PROM1: variants seen among roughly 807,000 people sequenced by gnomAD.
PROM1 encodes the protein prominin-1.
In PROM1, 105 loss-of-function variants were observed where a neutral mutation model predicts 116.9. The ratio of observed to expected loss-of-function variants is 0.90; its 90% confidence interval spans 0.77 to 1.06. The LOEUF (loss-of-function observed/expected upper bound fraction) is 1.06. Ranked by LOEUF, PROM1 falls within the 50% of genes least tolerant of loss-of-function variation. The pLI is 0.00. For missense variants in PROM1, 1,122 were observed against 1,045.2 expected, an observed-to-expected ratio of 1.07 and a Z score of -1.01; for synonymous variants, 393 against 387.0, an observed-to-expected ratio of 1.02 and a Z score of -0.18.
At chr4:16,050,495 C>T (rs574208681) in intron 2 of PROM1, among the ~76,000 whole-genome samples, 1 of 152,210 alleles carries the variant, frequency 6.6e-6, no homozygotes, top group African/African-American at 2.4e-5. Context: ...CTGGGACTAC[C>T]GTCATGTGCC....
intron 5 of PROM1, among the ~76,000 whole-genome samples, chr4:16,027,746 G>T (rs1307372021): frequency 6.6e-6 from 1 of 152,132 alleles, no homozygotes. Flanking sequence ...ATGCAGTCTT[G>T]TCTACACCGG....
rs555278289 is a variant in PROM1 at position 16,040,664 on chromosome 4, A to T, written c.221-1663T>A. ...GTGAATAACTGCTACGAACATGCTCATGTGCAAAATAAGACGTCCCTACTC... is the reference window on the plus strand; with the variant it reads ...GTGAATAACTGCTACGAACATGCTCTTGTGCAAAATAAGACGTCCCTACTC... On this transcript the variant is annotated intron_variant, in intron 2 of 27. Transcript: ENST00000447510. 1.6e-4 allele frequency among the ~76,000 whole-genome samples: 24 copies of T among 152,372 alleles called. No individual in the cohort carries two copies. The South Asian group carries it at 4.1e-3, about 26-fold the overall frequency.
intron 2 of PROM1, among the ~76,000 whole-genome samples, chr4:16,054,258 A>T (rs1410539050): frequency 6.6e-6 from 1 of 152,138 alleles, no homozygotes; most frequent in Non-Finnish European, 1.5e-5. Flanking sequence ...ATACAGCGCT[A>T]TCAAGTTAAT....
chr4:16,015,002 A>G (rs1727931630), intron 10 of PROM1, among the ~76,000 whole-genome samples: 2 of 152,208 alleles, frequency 1.3e-5, no homozygotes, highest in South Asian at 4.1e-4. Context: ...GCAGGAATGT[A>G]TTAAAAAGGG....
At chr4:16,004,823 CT>C (rs1453283390) in intron 13 of PROM1, among the ~76,000 whole-genome samples, 17 of 114,768 alleles carry the variant, frequency 1.5e-4, no homozygotes, top group Non-Finnish European at 3.1e-4. Context: ...TTCTTTCTTT[CT>C]TTCTTTTTCT....
intron 27 of PROM1, among the ~76,000 whole-genome samples, chr4:15,969,936 T>TTTTGTTTG (rs747045487): frequency 6.6e-6 from 1 of 151,946 alleles, no homozygotes; most frequent in South Asian, 2.1e-4. Context: ...ATTTCTATAT[T>TTTTGTTTG]TTTGTTTGTT....
intron 2 of PROM1, among the ~76,000 whole-genome samples, chr4:16,045,020 G>A (rs746455568): frequency 2.0e-5 from 3 of 152,184 alleles, no homozygotes; most frequent in Admixed American, 2.0e-4. Flanking sequence ...GAGCACTACA[G>A]ATGCTAAGAG....
rs1417894657 is a variant in PROM1 at position 15,979,491 on chromosome 4, C to T, written c.2514-28G>A. 8 of 1,589,862 alleles carry T rather than the reference C, an allele frequency of 5.0e-6. No individual in the cohort carries two copies. The Admixed American group carries it at 7.0e-5, about 14-fold the overall frequency. ...GTAACAGAAATAAATACACCAAAAA[C>T]ACCATGTTATCTCTAAGATGAAGTA... On this transcript the variant is annotated intron_variant, in intron 25 of 27. Coordinates refer to ENST00000447510, the MANE Select transcript of PROM1 (RefSeq NM_006017.3).
intron 2 of PROM1, among the ~76,000 whole-genome samples, chr4:16,051,899 TC>T (rs1166023412): frequency 1.3e-5 from 2 of 152,276 alleles, no homozygotes; most frequent in East Asian, 1.9e-4. Context: ...CCAAGAAACT[TC>T]CTAGAATCCA....
At chr4:16,022,924 T>C (rs886442663) in intron 8 of PROM1, among the ~76,000 whole-genome samples, 16 of 152,316 alleles carry the variant, frequency 1.1e-4, no homozygotes, top group African/African-American at 3.8e-4. Flanking sequence ...CAAATTTTTC[T>C]ATAAAAGGCC....
At chr4:15,973,971 A>G (rs1715378236) in intron 26 of PROM1, among the ~76,000 whole-genome samples, 1 of 152,130 alleles carries the variant, frequency 6.6e-6, no homozygotes, top group Non-Finnish European at 1.5e-5. Context: ...GGGCTGCTGG[A>G]CCAACACTGG....
chr4:16,044,417 T>G (rs1736033109), intron 2 of PROM1, among the ~76,000 whole-genome samples: 3 of 152,214 alleles, frequency 2.0e-5, no homozygotes, highest in African/African-American at 7.2e-5. Flanking sequence ...TCAGCTTGCT[T>G]GGGCACTTGT....
chr4:15,990,563 G>A (rs183316065), intron 18 of PROM1, among the ~76,000 whole-genome samples: 344 of 152,336 alleles, frequency 2.3e-3, no homozygotes, highest in Non-Finnish European at 3.7e-3. Flanking sequence ...TTTAGAAGTG[G>A]AGGGGTTGAC....
chr4:15,980,768 ATTATGTTTATTTTACAAACGAGGAGCAG>A (rs1290018434), intron 23 of PROM1, among the ~76,000 whole-genome samples: 1 of 152,006 alleles, frequency 6.6e-6, no homozygotes, highest in Non-Finnish European at 1.5e-5. Flanking sequence ...AGATCCTATT[ATTATGTTTATTTTACAAACGAGGAGCAG>A]AAACAGCAAG....
chr4:16,033,659 G>A lies in PROM1; in HGVS notation c.304-150C>T, dbSNP rs192341788. Reference sequence around the variant, plus strand: ...GGCTGGAGCGCAGTGGCGCGATTTCGGCTCACTGCAACCTCTGCCTCCTGG... The same window carrying A: ...GGCTGGAGCGCAGTGGCGCGATTTCAGCTCACTGCAACCTCTGCCTCCTGG... On this transcript the variant is annotated intron_variant, in intron 4 of 27. Coordinates refer to ENST00000447510, the MANE Select transcript of PROM1 (RefSeq NM_006017.3). 1.8e-4 allele frequency: 108 copies of A among 591,030 alleles called. 1 individual carries two copies. The African/African-American group carries it at 2.0e-3, about 11-fold the overall frequency. 36.6% of individuals were successfully genotyped at this position (591,030 alleles called of 1,614,324 possible). A position where few individuals can be genotyped will look rare whatever the true frequency, so the allele number is the denominator to read the frequency against.
chr4:16,009,124 C>T lies in PROM1; in HGVS notation c.1142-16G>A. 6.2e-7 allele frequency: 1 copy of T among 1,605,176 alleles called. No homozygotes were observed. Among genetic ancestry groups the T allele is most frequent in the Non-Finnish European group, 8.5e-7 (1 of 1,174,204 alleles). On this transcript the variant is annotated splice_polypyrimidine_tract_variant and intron_variant, in intron 11 of 27. Coordinates refer to ENST00000447510, the MANE Select transcript of PROM1 (RefSeq NM_006017.3). ...CTTTTGATACCTGAAAACAAAGATA[C>T]CTTTGTTATGCATTTGCAAACATGG...
At chr4:15,975,538 C>T (rs1057442251) in intron 26 of PROM1, among the ~76,000 whole-genome samples, 2 of 152,150 alleles carry the variant, frequency 1.3e-5, no homozygotes, top group African/African-American at 2.4e-5. Context: ...TTATTATTCC[C>T]TCCTTCTACA....
intron 26 of PROM1, among the ~76,000 whole-genome samples, chr4:15,972,538 T>G (rs1002813122): frequency 6.6e-6 from 1 of 152,174 alleles, no homozygotes; most frequent in South Asian, 2.1e-4. Flanking sequence ...CTGTCCAAGG[T>G]CTCGCCTGTT....
intron 7 of PROM1, 52 bp from the exon 8 acceptor site, chr4:16,023,467 C>T: frequency 1.5e-6 from 2 of 1,374,458 alleles, no homozygotes; most frequent in Non-Finnish European, 1.0e-6. Context: ...CTCATCTCTC[C>T]ACCCCTCCCT....
Sources: allele counts gnomAD v4.1 joint callset (sites outside exome capture counted in the v4.1 genomes callset), GRCh38; gene constraint gnomAD v4.1.1; transcripts MANE v1.5; gene names NCBI Gene and HGNC (gene_info 2026-07-23, HGNC 2026-07-21).